DMTN: variants seen among roughly 807,000 people sequenced by gnomAD.
The protein encoded by DMTN is dematin actin binding protein, also known as dematin.
DMTN carries 27 observed loss-of-function variants against 59.4 expected under a neutral mutation model. The observed-to-expected ratio is 0.45, with a 90% CI of 0.33 to 0.63. The LOEUF is 0.63. Among genes scored for constraint, DMTN ranks in the 20% least tolerant of loss-of-function variants. The pLI is 0.02. For missense variants in DMTN, 451 were observed against 528.9 expected, an observed-to-expected ratio of 0.85 and a Z score of 1.45; for synonymous variants, 221 against 203.7, an observed-to-expected ratio of 1.08 and a Z score of -0.72.
upstream of DMTN, among the ~76,000 whole-genome samples, chr8:22,050,140 C>T (rs1032437120): frequency 3.3e-5 from 5 of 152,272 alleles, no homozygotes; most frequent in African/African-American, 4.8e-5. Context: ...AAGACCGCGC[C>T]GTGTTGGGGG....
intron 10 of DMTN, among the ~76,000 whole-genome samples, chr8:22,078,653 G>GTA (rs1036219868): frequency 1.3e-5 from 2 of 151,840 alleles, no homozygotes; most frequent in African/African-American, 4.8e-5. Context: ...ATTATAATCT[G>GTA]TAGTACTTCA....
At position 22,067,643 on chromosome 8, in the gene DMTN, T is replaced by C; in HGVS notation, c.210T>C (p.Tyr70=). 1 of 1,614,010 alleles carries C rather than the reference T, an allele frequency of 6.2e-7. No individual in the cohort carries two copies. Among genetic ancestry groups the C allele is most frequent in the Non-Finnish European group, 8.5e-7 (1 of 1,179,962 alleles). ...DLMIYEPHFT[Y]SLLEHVELPR... ...TGATCTACGAGCCTCACTTCACTTA[T>C]TCCCTCCTGGAACACGTGGAGCTGC... Residue 70 remains tyrosine, a synonymous_variant, in exon 4 of 16, where the codon TAT becomes TAC. Coordinates refer to ENST00000358242, the MANE Select transcript of DMTN (RefSeq NM_001387751.1).
chr8:22,051,836 C>T (rs1298059266), upstream of DMTN, among the ~76,000 whole-genome samples: 2 of 152,194 alleles, frequency 1.3e-5, no homozygotes, highest in African/African-American at 4.8e-5. Context: ...CGAGTTTGCT[C>T]CACTTACCTT....
At position 22,082,113 on chromosome 8, in the gene DMTN, C is replaced by T. The variant is rs765437608; in HGVS notation, c.*650C>T. On this transcript the variant is annotated 3_prime_UTR_variant, in exon 16 of 16. Transcript: ENST00000358242. The stretch of plus-strand genomic sequence containing the variant: ...ATGCCGCCTACACACGATCCTGGCC[C>T]TCCACCTGCCTCCAGGCCACGAAAT... 1.8e-5 allele frequency: 8 copies of T among 456,372 alleles called. No individual in the cohort carries two copies. Among genetic ancestry groups the T allele is most frequent in the South Asian group, 1.1e-4 (7 of 64,578 alleles). The allele number at this position is 456,372 out of a possible 1,614,324, so 28.3% of individuals were successfully genotyped here.
At chr8:22,051,122 G>A (rs1801311512), upstream of DMTN, among the ~76,000 whole-genome samples, 1 of 152,170 alleles carries the variant, frequency 6.6e-6, no homozygotes, top group South Asian at 2.1e-4. Context: ...AGTAGCCACA[G>A]GGGGCTAATT....
intron 8 of DMTN, among the ~76,000 whole-genome samples, chr8:22,071,481 A>G (rs1815452778): frequency 6.6e-6 from 1 of 151,524 alleles, no homozygotes; most frequent in African/African-American, 2.4e-5. Flanking sequence ...TGCAACTTCT[A>G]CCACCTGAGT....
chr8:22,050,702 G>A (rs1237056770), upstream of DMTN, among the ~76,000 whole-genome samples: 1 of 152,148 alleles, frequency 6.6e-6, no homozygotes, highest in Non-Finnish European at 1.5e-5. Context: ...CCCAGGGAGT[G>A]CCCTCATCCC....
At chr8:22,068,848 G>T (rs1383619220) in intron 4 of DMTN, among the ~76,000 whole-genome samples, 168 bp from the exon 5 acceptor site, 2 of 152,168 alleles carry the variant, frequency 1.3e-5, no homozygotes, top group Non-Finnish European at 2.9e-5. Context: ...GAAGGCTGAG[G>T]ACTTTGTGCA....
intron 4 of DMTN, 100 bp downstream of exon 4, chr8:22,067,782 C>T: frequency 1.4e-6 from 2 of 1,409,040 alleles, no homozygotes; most frequent in Non-Finnish European, 1.9e-6. Context: ...GGAGGTCTGC[C>T]TCGGCAAAAC....
Position 22,072,393 on chromosome 8 carries a change from C to G in DMTN, c.672C>G (p.Asp224Glu). The G allele has an allele frequency of 6.3e-7, 1 of 1,599,112 alleles. No homozygotes were observed. The highest frequency in any genetic ancestry group is 8.5e-7 in the Non-Finnish European group (1 of 1,172,224). The change falls in exon 9 of 16, where the codon GAC (aspartate) becomes GAG (glutamate). Residue 224 changes from aspartate (D) to glutamate (E), a missense_variant. Transcript: ENST00000358242. The part of the protein sequence containing the change: ...GAEEEEEEED[D>E]DSGEEMKALR... ...AGGAAGAGGAGGAGGAGGAAGATGA[C>G]GACTCTGGAGAGGAGATGAAGGCTC...
chr8:22,081,878 C>T lies in DMTN; in HGVS notation c.*415C>T, dbSNP rs1456890256. The T allele has an allele frequency of 4.3e-6, 2 of 460,462 alleles. No homozygotes were observed. The highest frequency in any genetic ancestry group is 2.3e-5 in the Admixed American group (1 of 42,632). 28.5% of individuals were successfully genotyped at this position (460,462 alleles called of 1,614,324 possible). ...GAGCTCCAGGCTCTTGTGTCGCCCA[C>T]CCAGCCCTCCCATACTCACTCCTGA... On this transcript the variant is annotated 3_prime_UTR_variant, in exon 16 of 16. Transcript: ENST00000358242.
At chr8:22,055,827 C>G (rs1253094540), upstream of DMTN, among the ~76,000 whole-genome samples, 1 of 152,104 alleles carries the variant, frequency 6.6e-6, no homozygotes, top group African/African-American at 2.4e-5. Flanking sequence ...AGCCCCTCCC[C>G]CTGTGCTTCT....
upstream of DMTN, among the ~76,000 whole-genome samples, chr8:22,050,716 C>G (rs1801263338): frequency 6.6e-6 from 1 of 152,174 alleles, no homozygotes; most frequent in South Asian, 2.1e-4. Flanking sequence ...TCATCCCACC[C>G]CATCCCCGAG....
At position 22,081,841 on chromosome 8, in the gene DMTN, G is replaced by A; in HGVS notation, c.*378G>A. ...AGGGAAGATGCAGGGGTGGGAAGCG[G>A]CCAGGCAGAAAGAGCTCCAGGCTCT... is the stretch of plus-strand genomic sequence containing the variant. On this transcript the variant is annotated 3_prime_UTR_variant, in exon 16 of 16. Transcript: ENST00000358242. The A allele has an allele frequency of 2.1e-6, 1 of 469,644 alleles. No homozygotes were observed. The allele number at this position is 469,644 out of a possible 1,614,324, so 29.1% of individuals were successfully genotyped here.
upstream of DMTN, among the ~76,000 whole-genome samples, chr8:22,054,305 T>C (rs118043732): frequency 0.021 from 2,675 of 128,580 alleles, 44 homozygotes; most frequent in Non-Finnish European, 0.029. Context: ...TCCGATAGAA[T>C]GTGAGACTCA....
At chr8:22,079,277 A>T (rs191836474) in intron 10 of DMTN, among the ~76,000 whole-genome samples, 11,149 of 24,762 alleles carry the variant, frequency 0.45, 1,032 homozygotes, top group Admixed American at 0.48. Context: ...TAAATAAATA[A>T]ATATATATAT....
At chr8:22,052,290 C>A (rs1801433485), upstream of DMTN, among the ~76,000 whole-genome samples, 1 of 152,230 alleles carries the variant, frequency 6.6e-6, no homozygotes, top group African/African-American at 2.4e-5. Flanking sequence ...ATCTTTTCCT[C>A]CCCGACAGTG....
intron 1 of DMTN, among the ~76,000 whole-genome samples, chr8:22,057,599 G>C (rs1253381613): frequency 2.0e-5 from 3 of 152,188 alleles, no homozygotes; most frequent in Non-Finnish European, 4.4e-5. Flanking sequence ...GGGGGAGTGG[G>C]AGGAGAGCCT....
In DMTN at chr8:22,072,621, C is replaced by T. The variant is rs189558187; in HGVS notation, c.729+171C>T. Among the ~76,000 whole-genome samples the T allele has an allele frequency of 4.5e-3, 610 of 135,172 alleles. 1 individual carries two copies. The highest frequency in any genetic ancestry group is 7.1e-3 in the Non-Finnish European group (463 of 64,886). 88.7% of individuals were successfully genotyped at this position (135,172 alleles called of 152,430 possible). Reference sequence around the variant, plus strand: ...TGGGATTACAGGCACGCCACCACCTCGCCCAGCTAATTTTTTTTTTTTTTT... The same window carrying T: ...TGGGATTACAGGCACGCCACCACCTTGCCCAGCTAATTTTTTTTTTTTTTT... On this transcript the variant is annotated intron_variant, in intron 9 of 15. Transcript: ENST00000358242.
Sources: gnomAD v4.1 joint callset for allele counts (sites outside exome capture counted in the v4.1 genomes callset) on GRCh38, gnomAD v4.1.1 for gene constraint, MANE v1.5 for transcripts, NCBI Gene and HGNC (gene_info 2026-07-23, HGNC 2026-07-21) for gene names.